UBE2J1: variants seen among roughly 807,000 people sequenced by gnomAD.
The protein encoded by UBE2J1 is ubiquitin conjugating enzyme E2 J1.
A neutral mutation model predicts 42.1 loss-of-function variants in UBE2J1; 17 were observed. The ratio of observed to expected loss-of-function variants is 0.40; its 90% confidence interval spans 0.28 to 0.61. The LOEUF (loss-of-function observed/expected upper bound fraction) is 0.61, where lower values mean the gene tolerates loss of function less well. Ranked by LOEUF, UBE2J1 falls within the 20% of genes least tolerant of loss-of-function variation. The probability of loss-of-function intolerance (pLI) is 0.38; values close to 1 mark genes in which losing one functional copy is unlikely to be tolerated. For synonymous variants in UBE2J1, 127 were observed against 137.2 expected, an observed-to-expected ratio of 0.93 and a Z score of 0.52; for missense variants, 291 against 389.4, an observed-to-expected ratio of 0.75 and a Z score of 2.13.
chr6:89,342,577 T>C, intron 2 of UBE2J1, 122 bp from the exon 3 acceptor site: 3 of 865,630 alleles, frequency 3.5e-6, no homozygotes, highest in Non-Finnish European at 5.1e-6. Flanking sequence ...GCTAGTATAG[T>C]TTCTAATGCA....
chr6:89,331,607 C>T (rs567887109), intron 7 of UBE2J1, among the ~76,000 whole-genome samples: 48 of 152,034 alleles, frequency 3.2e-4, no homozygotes, highest in Non-Finnish European at 6.8e-4. Context: ...GGAAAGAGAC[C>T]CCTGACCCTC....
At chr6:89,339,591 GA>G (rs1768198596) in intron 3 of UBE2J1, among the ~76,000 whole-genome samples, 1 of 1,690 alleles carries the variant, frequency 5.9e-4, no homozygotes, top group Non-Finnish European at 1.4e-3. Flanking sequence ...GGGGAAGGGG[GA>G]AGGAGAGGGG....
chr6:89,338,105 T>C (rs1768144567), intron 5 of UBE2J1, 100 bp downstream of exon 5: 5 of 744,828 alleles, frequency 6.7e-6, no homozygotes, highest in Non-Finnish European at 1.1e-5. Flanking sequence ...CTACAGTCAC[T>C]CAGAAAATAA....
intron 5 of UBE2J1, among the ~76,000 whole-genome samples, chr6:89,337,749 CT>C (rs1768138305): frequency 6.6e-6 from 1 of 152,100 alleles, no homozygotes; most frequent in South Asian, 2.1e-4. Flanking sequence ...TTGATAAAAT[CT>C]CTTTTGCTTT....
intron 3 of UBE2J1, among the ~76,000 whole-genome samples, chr6:89,338,796 G>T (rs1319754123): frequency 1.3e-5 from 2 of 150,010 alleles, no homozygotes; most frequent in Non-Finnish European, 3.0e-5. Context: ...CTCCCAAGTA[G>T]CTGGAACTAC....
chr6:89,352,324 G>A (rs897868091), intron 1 of UBE2J1, among the ~76,000 whole-genome samples: 1 of 152,238 alleles, frequency 6.6e-6, no homozygotes, highest in African/African-American at 2.4e-5. Flanking sequence ...GGGTGCTGCG[G>A]GGCGCGCTGG....
intron 5 of UBE2J1, among the ~76,000 whole-genome samples, chr6:89,336,825 G>A (rs1305240921): frequency 2.0e-5 from 3 of 151,598 alleles, no homozygotes; most frequent in Non-Finnish European, 2.9e-5. Flanking sequence ...ATGCTACCAC[G>A]GTTGAATGCA....
At chr6:89,346,114 C>T (rs866170069) in intron 1 of UBE2J1, among the ~76,000 whole-genome samples, 2 of 152,026 alleles carry the variant, frequency 1.3e-5, no homozygotes, top group African/African-American at 4.8e-5. Context: ...TGGTCTCGGG[C>T]AATCCTCCTA....
intron 3 of UBE2J1, among the ~76,000 whole-genome samples, chr6:89,341,575 T>TA (rs776864209): frequency 2.6e-5 from 4 of 152,044 alleles, no homozygotes; most frequent in Non-Finnish European, 4.4e-5. Flanking sequence ...AACTTTTTAA[T>TA]TAGCTGGGTG....
chr6:89,336,199 C>G (rs1014212782), intron 5 of UBE2J1, among the ~76,000 whole-genome samples: 1 of 152,032 alleles, frequency 6.6e-6, no homozygotes. Flanking sequence ...ATTAAAAAAC[C>G]TTAGGTCTTG....
chr6:89,338,478 A>G lies in UBE2J1; in HGVS notation c.303T>C (p.Thr101=). 1 of 1,609,668 alleles carries G rather than the reference A, an allele frequency of 6.2e-7. No homozygotes were observed. The highest frequency in any genetic ancestry group is 8.5e-7 in the Non-Finnish European group (1 of 1,178,842). Residue 101 remains threonine (T), a synonymous_variant, in exon 4 of 8, where the codon ACT becomes ACC. Transcript: ENST00000435041. ...ACTTACTACTCCACGAAGGCTGCCA[A>G]GTTTCAGGATGATGGCCTGAGATGC... ...CLSISGHHPE[T]WQPSWSIRTA...
At chr6:89,339,285 C>T (rs1218885808) in intron 3 of UBE2J1, among the ~76,000 whole-genome samples, 2 of 147,920 alleles carry the variant, frequency 1.4e-5, no homozygotes, top group Non-Finnish European at 3.0e-5. Context: ...AGAAAATTAG[C>T]CAGGAGTGGT....
Position 89,342,372 on chromosome 6 carries a change from T to C in UBE2J1, c.189A>G (p.Val63=). 4 of 1,614,026 alleles carry C rather than the reference T, an allele frequency of 2.5e-6. No homozygotes were observed. Among genetic ancestry groups the C allele is most frequent in the Admixed American group, 3.3e-5 (2 of 59,980 alleles). The part of the protein sequence containing the change: ...FDGGVYHGRI[V]LPPEYPMKPP... ...GTTTCATGGGATACTCTGGTGGCAG[T>C]ACTATCCGCCCGTGATAAACTCCTC... The change falls in exon 3 of 8, where the codon GTA becomes GTG. Residue 63 remains valine (V), a synonymous_variant. Transcript: ENST00000435041.
intron 6 of UBE2J1, among the ~76,000 whole-genome samples, chr6:89,334,576 A>G (rs565035755): frequency 6.6e-6 from 1 of 151,394 alleles, no homozygotes; most frequent in East Asian, 2.0e-4. Context: ...GGTTCAAGCA[A>G]TTCTCCTGCC....
At chr6:89,351,067 CTCTTTTTT>C (rs1562426997) in intron 1 of UBE2J1, among the ~76,000 whole-genome samples, 5 of 97,864 alleles carry the variant, frequency 5.1e-5, no homozygotes, top group African/African-American at 1.2e-4. Flanking sequence ...CCCCGGGATT[CTCTTTTTT>C]TTTTTTTTTT....
At chr6:89,332,668 T>C (rs1345063811) in intron 7 of UBE2J1, among the ~76,000 whole-genome samples, 1 of 152,230 alleles carries the variant, frequency 6.6e-6, no homozygotes, top group Non-Finnish European at 1.5e-5. Context: ...GGCTACTGTG[T>C]TGGACAGAGC....
In UBE2J1 at chr6:89,351,150, C is replaced by T. The variant is rs575033894; in HGVS notation, c.31+1389G>A. On this transcript the variant is annotated intron_variant, in intron 1 of 7. Transcript: ENST00000435041. ...ACACTGGAGTGCAGTGGCGCGATCTCGGCTCACTGCAACCTCCTCCCCGGG... is the reference window on the plus strand; with the variant it reads ...ACACTGGAGTGCAGTGGCGCGATCTTGGCTCACTGCAACCTCCTCCCCGGG... Among the ~76,000 whole-genome samples the T allele has an allele frequency of 4.6e-5, 6 of 130,586 alleles. No individual in the cohort carries two copies. The South Asian group carries it at 1.6e-3, about 34-fold the overall frequency. 85.7% of individuals were successfully genotyped at this position (130,586 alleles called of 152,430 possible).
At chr6:89,342,151 A>T (rs975358068) in intron 3 of UBE2J1, among the ~76,000 whole-genome samples, 173 bp downstream of exon 3, 4 of 152,234 alleles carry the variant, frequency 2.6e-5, no homozygotes, top group Non-Finnish European at 4.4e-5. Context: ...TCTCAGATGC[A>T]TCAGCTTCCT....
chr6:89,346,637 C>A (rs1431222757), intron 1 of UBE2J1, among the ~76,000 whole-genome samples: 1 of 152,054 alleles, frequency 6.6e-6, no homozygotes, highest in Non-Finnish European at 1.5e-5. Context: ...TCCCTGGTTG[C>A]CCCCTGCCCC....
Sources: gnomAD v4.1 joint callset for allele counts (sites outside exome capture counted in the v4.1 genomes callset) on GRCh38, gnomAD v4.1.1 for gene constraint, MANE v1.5 for transcripts, NCBI Gene and HGNC (gene_info 2026-07-23, HGNC 2026-07-21) for gene names.